Variants in LILRA2 observed in about 807,000 individuals in gnomAD.
LILRA2 encodes leukocyte immunoglobulin-like receptor subfamily A member 2.
LILRA2 carries 45 observed loss-of-function variants against 47.9 expected under a neutral mutation model. That is an observed-to-expected ratio of 0.94 (90% CI 0.74 to 1.20). The LOEUF (loss-of-function observed/expected upper bound fraction) is 1.20, where lower values mean the gene tolerates loss of function less well. LILRA2 is among the 50% of genes most tolerant of loss of function. LILRA2 has a pLI of 0.00. For synonymous variants in LILRA2, 279 were observed against 249.2 expected (o/e 1.12, Z -1.13); for missense variants, 651 against 598.2 (o/e 1.09, Z -0.92).
In LILRA2 at chr19:54,583,520, T is replaced by C. The variant is rs548911083; in HGVS notation, c.1256-3490T>C. 1.6e-4 allele frequency among the ~76,000 whole-genome samples: 25 copies of C among 152,300 alleles called. No homozygotes were observed. In the South Asian group the frequency reaches 4.6e-3, roughly 28 times the overall value. ...TCTTGTTGAATTGATCCCTTTACCA[T>C]AATGTAGTGGCCTTGTCTCTTTTGA... On this transcript the variant is annotated intron_variant, in intron 6 of 7. Coordinates refer to ENST00000391738, the MANE Select transcript of LILRA2 (RefSeq NM_001130917.3).
In LILRA2 at chr19:54,575,031, C is replaced by T. The variant is rs200881346; in HGVS notation, c.653C>T (p.Pro218Leu). 8.1e-5 allele frequency: 130 copies of T among 1,612,782 alleles called. No individual in the cohort carries two copies. The highest frequency in any genetic ancestry group is 3.6e-4 in the African/African-American group (27 of 74,992). ...LPSDLLELLV[P>L]GVSKKPSLSV... ...AGTGATCTCCTGGAGCTCCTGGTCC[C>T]AGGTGAGAAATTCACAGAATTGCTT... is the stretch of plus-strand genomic sequence containing the variant. The change falls in exon 4 of 8, where the codon CCA becomes CTA. Residue 218 changes from proline to leucine, a missense_variant and splice_region_variant. Pro to Leu is a moderately conservative substitution (Grantham distance 98). Coordinates refer to ENST00000391738, the MANE Select transcript of LILRA2 (RefSeq NM_001130917.3).
At position 54,575,498 on chromosome 19, in the gene LILRA2, A is replaced by G. The variant is rs1370005284; in HGVS notation, c.898A>G (p.Asn300Asp). ...CCAGTACAGATGCTACAGTGCACAC[A>G]ACCTCTCCTCCGAGTGGTCGGCCCC... ...GGQYRCYSAH[N>D]LSSEWSAPSD... The change falls in exon 5 of 8, where the codon AAC (asparagine) becomes GAC (aspartate). Residue 300 changes from asparagine to aspartate, a missense_variant. By Grantham distance (23) the Asn-to-Asp change is conservative. Transcript: ENST00000391738. 10 of 1,612,854 alleles carry G rather than the reference A, an allele frequency of 6.2e-6. No homozygotes were observed. The highest frequency in any genetic ancestry group is 8.5e-6 in the Non-Finnish European group (10 of 1,179,902).
rs1240263152 is a variant in LILRA2, at chr19:54,589,451, T to TGA, written c.*2108_*2109dup. 2.6e-5 allele frequency: 4 copies of TGA among 152,102 alleles called. No individual in the cohort carries two copies. In the East Asian group the frequency reaches 5.8e-4, roughly 22 times the overall value. The allele number at this position is 152,102 out of a possible 1,614,324, so 9.4% of individuals were successfully genotyped here. ...CCAGGAAACAGAGGTTGCAGTGAGCTGAGATCTTGCCATTGCACTCCAGCC... is the reference window on the plus strand; with the variant it reads ...CCAGGAAACAGAGGTTGCAGTGAGCTGAGAGATCTTGCCATTGCACTCCAGCC... On this transcript the variant is annotated 3_prime_UTR_variant, in exon 8 of 8. Coordinates refer to ENST00000391738, the MANE Select transcript of LILRA2 (RefSeq NM_001130917.3).
chr19:54,577,424 G>C (rs1043987655), intron 6 of LILRA2: 8 of 1,245,212 alleles, frequency 6.4e-6, no homozygotes, highest in Non-Finnish European at 8.3e-6. Context: ...AGAGAGGACA[G>C]ATGGACAGTG....
At chr19:54,584,521 T>C (rs901407802) in intron 6 of LILRA2, among the ~76,000 whole-genome samples, 6 of 152,238 alleles carry the variant, frequency 3.9e-5, no homozygotes, top group African/African-American at 1.4e-4. Flanking sequence ...TTTCATTAAT[T>C]TGATCTTCAG....
chr19:54,575,557 G>A lies in LILRA2; in HGVS notation c.952+5G>A. 1 of 1,611,708 alleles carries A rather than the reference G, an allele frequency of 6.2e-7. No homozygotes were observed. The highest frequency in any genetic ancestry group is 8.5e-7 in the Non-Finnish European group (1 of 1,179,698). On this transcript the variant is annotated splice_donor_5th_base_variant and intron_variant, in intron 5 of 7. Coordinates refer to ENST00000391738, the MANE Select transcript of LILRA2 (RefSeq NM_001130917.3). ...CCCTGGACATCCTGATCACAGGTGA[G>A]GAGCCCAGCGGGTTCAGTCAGGGAC... is the stretch of plus-strand genomic sequence containing the variant.
In LILRA2 at chr19:54,587,705, G is replaced by T. The variant is rs2062855905; in HGVS notation, c.*359G>T. 7.2e-6 allele frequency: 2 copies of T among 275,956 alleles called. No homozygotes were observed. Among genetic ancestry groups the T allele is most frequent in the East Asian group, 7.5e-5 (1 of 13,348 alleles). The allele number at this position is 275,956 out of a possible 1,614,324, so 17.1% of individuals were successfully genotyped here. A position where few individuals can be genotyped will look rare whatever the true frequency, so the allele number is the denominator to read the frequency against. The stretch of plus-strand genomic sequence containing the variant: ...GACACAGTCTTCCTTATTCCTCATT[G>T]TCACACTCCTTGATGTCACTTACTG... On this transcript the variant is annotated 3_prime_UTR_variant, in exon 8 of 8. Transcript: ENST00000391738.
chr19:54,587,606 C>A lies in LILRA2; in HGVS notation c.*260C>A. 1.7e-6 allele frequency: 1 copy of A among 590,790 alleles called. No homozygotes were observed. The highest frequency in any genetic ancestry group is 2.9e-6 in the Non-Finnish European group (1 of 344,610). 36.6% of individuals were successfully genotyped at this position (590,790 alleles called of 1,614,324 possible). A position where few individuals can be genotyped will look rare whatever the true frequency, so the allele number is the denominator to read the frequency against. The stretch of plus-strand genomic sequence containing the variant: ...ATCCCCTTTTTTTCCCATCCCCAGA[C>A]ATGAGGCTCCATCCCACATGGCACC... On this transcript the variant is annotated 3_prime_UTR_variant, in exon 8 of 8. Transcript: ENST00000391738.
At chr19:54,581,564 C>G (rs1191179873) in intron 6 of LILRA2, among the ~76,000 whole-genome samples, 2 of 149,356 alleles carry the variant, frequency 1.3e-5, no homozygotes, top group Non-Finnish European at 3.0e-5. Context: ...TGATCTATAT[C>G]TCTGTTTTGG....
chr19:54,573,527 C>G, upstream of LILRA2: 1 of 881,824 alleles, frequency 1.1e-6, no homozygotes, highest in Non-Finnish European at 1.9e-6. Flanking sequence ...GAAGCCTCTG[C>G]TCACCCTCAT....
At chr19:54,577,795 G>T in intron 6 of LILRA2, 1 of 1,005,776 alleles carries the variant, frequency 9.9e-7, no homozygotes, top group South Asian at 2.3e-5. Context: ...CTTGTCCTTT[G>T]TTACTTTTTT....
At chr19:54,583,111 T>C (rs1226212109) in intron 6 of LILRA2, among the ~76,000 whole-genome samples, 1 of 152,228 alleles carries the variant, frequency 6.6e-6, no homozygotes, top group African/African-American at 2.4e-5. Flanking sequence ...TAATCCTGAG[T>C]TGTAATTTGA....
chr19:54,575,709 A>C lies in LILRA2; in HGVS notation c.953-98A>C, dbSNP rs1435237007. On this transcript the variant is annotated intron_variant, in intron 5 of 7. Transcript: ENST00000391738. The stretch of plus-strand genomic sequence containing the variant: ...GGCGGGGAGGGGAGACTCAGAGAAA[A>C]CAGAGACAGAGAGACTAAGGGTCCC... The C allele has an allele frequency of 2.0e-5, 32 of 1,584,118 alleles. No homozygotes were observed. The Middle Eastern group carries it at 5.0e-4, about 25-fold the overall frequency.
intron 6 of LILRA2, among the ~76,000 whole-genome samples, chr19:54,579,174 G>T (rs1444527017): frequency 6.6e-6 from 1 of 152,106 alleles, no homozygotes; most frequent in South Asian, 2.1e-4. Flanking sequence ...TAGTCATGAA[G>T]TCCTTGCCCA....
chr19:54,583,006 C>A (rs1037959286), intron 6 of LILRA2, among the ~76,000 whole-genome samples: 1 of 152,180 alleles, frequency 6.6e-6, no homozygotes, highest in Non-Finnish European at 1.5e-5. Context: ...CAAAGAACAT[C>A]TTTATTTCTG....
intron 6 of LILRA2, among the ~76,000 whole-genome samples, chr19:54,585,881 C>A (rs2062787011): frequency 6.6e-6 from 1 of 152,134 alleles, no homozygotes; most frequent in Non-Finnish European, 1.5e-5. Flanking sequence ...CGGAGCCATT[C>A]CTATTCGACC....
chr19:54,585,605 C>T (rs551001531), intron 6 of LILRA2, among the ~76,000 whole-genome samples: 2 of 152,160 alleles, frequency 1.3e-5, no homozygotes, highest in Non-Finnish European at 2.9e-5. Flanking sequence ...GAGCCAGGCA[C>T]GGGAGGGTAT....
At chr19:54,576,298 A>AGAGTG (rs2062432169) in intron 6 of LILRA2, among the ~76,000 whole-genome samples, 189 bp downstream of exon 6, 1 of 143,168 alleles carries the variant, frequency 7.0e-6, no homozygotes, top group Non-Finnish European at 1.5e-5. Flanking sequence ...AAGTCTCAGT[A>AGAGTG]AAGAGCATGA....
rs367565380 is a variant in LILRA2 at position 54,587,156 on chromosome 19, G to A, written c.1307-45G>A. On this transcript the variant is annotated intron_variant, in intron 7 of 7. Transcript: ENST00000391738. ...CCCTGGGTGGACATACAGGAGTCCCGGGGTGATTCCGATCTGCCCTGACCT... is the reference window on the plus strand; with the variant it reads ...CCCTGGGTGGACATACAGGAGTCCCAGGGTGATTCCGATCTGCCCTGACCT... The A allele has an allele frequency of 7.6e-5, 122 of 1,612,918 alleles. No homozygotes were observed. The African/African-American group carries it at 8.0e-4, about 11-fold the overall frequency.
Sources: allele counts gnomAD v4.1 joint callset (sites outside exome capture counted in the v4.1 genomes callset), GRCh38; gene constraint gnomAD v4.1.1; transcripts MANE v1.5; gene names NCBI Gene and HGNC (gene_info 2026-07-23, HGNC 2026-07-21).